The following ESRRG variants were observed in gnomAD, a reference collection of about 807,000 sequenced individuals.
ESRRG encodes the protein estrogen-related receptor gamma.
ESRRG carries 13 observed loss-of-function variants against 44.0 expected under a neutral mutation model. That is an observed-to-expected ratio of 0.30 (90% CI 0.19 to 0.47). ESRRG has a LOEUF of 0.47. Among genes scored for constraint, ESRRG ranks in the 20% least tolerant of loss-of-function variants. The pLI, the probability that ESRRG is intolerant of heterozygous loss-of-function variation, is 1.00. For synonymous variants in ESRRG, 215 were observed against 214.6 expected, an observed-to-expected ratio of 1.00 and a Z score of -0.02; for missense variants, 395 against 580.6, an observed-to-expected ratio of 0.68 and a Z score of 3.29.
At chr1:217,087,950 G>A (rs2092184854) in intron 1 of ESRRG, among the ~76,000 whole-genome samples, 2 of 151,720 alleles carry the variant, frequency 1.3e-5, no homozygotes, top group Admixed American at 1.3e-4. Flanking sequence ...CCTCAGCTCG[G>A]GATTTGAGAA....
At chr1:216,872,276 G>A (rs2096269476) in intron 2 of ESRRG, among the ~76,000 whole-genome samples, 1 of 151,928 alleles carries the variant, frequency 6.6e-6, no homozygotes. Context: ...TCTGAACATG[G>A]ATTTATTTGG....
chr1:216,616,044 T>G (rs6673566), intron 3 of ESRRG, among the ~76,000 whole-genome samples: 65,854 of 151,862 alleles, frequency 0.43, 15,626 homozygotes, highest in African/African-American at 0.64. Flanking sequence ...TGGGTGTCAG[T>G]CATTTGCTTT....
chr1:216,514,468 A>G (rs888141500), intron 6 of ESRRG, among the ~76,000 whole-genome samples: 5 of 152,170 alleles, frequency 3.3e-5, no homozygotes, highest in African/African-American at 9.7e-5. Flanking sequence ...TAAACATTTC[A>G]TGTTCAATTT....
chr1:216,867,094 G>A (rs2096178156), intron 2 of ESRRG, among the ~76,000 whole-genome samples: 1 of 152,142 alleles, frequency 6.6e-6, no homozygotes, highest in South Asian at 2.1e-4. Flanking sequence ...GTTTCAGTAT[G>A]TATGCAACGT....
At chr1:216,924,981 A>G (rs1430610785) in intron 2 of ESRRG, among the ~76,000 whole-genome samples, 3 of 152,070 alleles carry the variant, frequency 2.0e-5, no homozygotes, top group African/African-American at 7.2e-5. Flanking sequence ...TTTCTTCTGT[A>G]TCATCTGCTA....
intron 1 of ESRRG, among the ~76,000 whole-genome samples, chr1:217,041,236 T>C (rs2083805854): frequency 6.6e-6 from 1 of 152,146 alleles, no homozygotes; most frequent in South Asian, 2.1e-4. Flanking sequence ...AAAAAGATCA[T>C]AGCTGACACC....
At chr1:216,699,896 T>C (rs2081048959) in intron 1 of ESRRG, among the ~76,000 whole-genome samples, 1 of 152,244 alleles carries the variant, frequency 6.6e-6, no homozygotes. Context: ...GCCTCGCCTA[T>C]GGATTTCCTC....
At chr1:216,563,555 C>T (rs557370585) in intron 5 of ESRRG, among the ~76,000 whole-genome samples, 3 of 151,952 alleles carry the variant, frequency 2.0e-5, no homozygotes, top group Non-Finnish European at 4.4e-5. Flanking sequence ...CAACTCCAAA[C>T]AAATAAAAAA....
rs559715023 is a variant in ESRRG at position 216,708,176 on chromosome 1, T to C, written c.56+15068A>G. Among the ~76,000 whole-genome samples the C allele has an allele frequency of 1.1e-4, 17 of 151,352 alleles. No individual in the cohort carries two copies. The South Asian group carries it at 2.1e-3, about 19-fold the overall frequency. ...CTGGTAGGCAATATTACTTCTAAAATAAAATTAGTAGCAAAGTCTCAGAAA... is the reference window on the plus strand; with the variant it reads ...CTGGTAGGCAATATTACTTCTAAAACAAAATTAGTAGCAAAGTCTCAGAAA... On this transcript the variant is annotated intron_variant, in intron 1 of 6. Coordinates refer to ENST00000408911, the MANE Select transcript of ESRRG (RefSeq NM_001438.4).
chr1:216,921,230 G>A (rs2061796494), intron 2 of ESRRG, among the ~76,000 whole-genome samples: 2 of 152,150 alleles, frequency 1.3e-5, no homozygotes, highest in African/African-American at 4.8e-5. Flanking sequence ...GAGAGTAGTA[G>A]AAGCGTGGAG....
chr1:217,112,953 T>C (rs767595936), intron 1 of ESRRG, among the ~76,000 whole-genome samples: 2 of 152,154 alleles, frequency 1.3e-5, no homozygotes, highest in South Asian at 4.1e-4. Flanking sequence ...TCAAGACAGA[T>C]AAGGATGTAT....
chr1:216,549,147 C>A (rs1268128175), intron 5 of ESRRG, among the ~76,000 whole-genome samples: 4 of 151,888 alleles, frequency 2.6e-5, no homozygotes, highest in Non-Finnish European at 4.4e-5. Context: ...TGCTATTTAG[C>A]AACTTACACT....
intron 1 of ESRRG, among the ~76,000 whole-genome samples, chr1:216,705,380 A>T (rs1424842624): frequency 2.0e-5 from 3 of 152,182 alleles, no homozygotes; most frequent in African/African-American, 4.8e-5. Flanking sequence ...TGTGTAAATT[A>T]TTCACTAAAA....
chr1:216,779,766 G>T (rs1265669212), intron 2 of ESRRG, among the ~76,000 whole-genome samples: 1 of 150,480 alleles, frequency 6.6e-6, no homozygotes, highest in Non-Finnish European at 1.5e-5. Flanking sequence ...GGGAAGGTGT[G>T]ATTCATGTAG....
chr1:216,957,887 G>C (rs1344265574), intron 1 of ESRRG, among the ~76,000 whole-genome samples: 1 of 152,144 alleles, frequency 6.6e-6, no homozygotes, highest in East Asian at 1.9e-4. Flanking sequence ...TCTCCACCAA[G>C]TTACAGGACA....
intron 2 of ESRRG, among the ~76,000 whole-genome samples, chr1:216,673,173 G>T (rs1469941090): frequency 6.6e-6 from 1 of 152,084 alleles, no homozygotes; most frequent in Admixed American, 6.6e-5. Flanking sequence ...GAACTCTAAG[G>T]CAGCTTCAGC....
chr1:216,844,763 A>ATGTGTG (rs35416075), intron 2 of ESRRG, among the ~76,000 whole-genome samples: 127 of 150,662 alleles, frequency 8.4e-4, no homozygotes, highest in African/African-American at 3.0e-3. Context: ...GCATTCGTGC[A>ATGTGTG]TGTGTGTGTG....
intron 2 of ESRRG, among the ~76,000 whole-genome samples, chr1:216,810,148 T>C (rs893620600): frequency 1.3e-5 from 2 of 152,018 alleles, no homozygotes; most frequent in African/African-American, 4.8e-5. Context: ...CAGGGCCAAA[T>C]CACCACTTTC....
At chr1:217,014,264 A>G (rs1004645798) in intron 1 of ESRRG, among the ~76,000 whole-genome samples, 1 of 152,074 alleles carries the variant, frequency 6.6e-6, no homozygotes, top group Non-Finnish European at 1.5e-5. Context: ...ACAGGTTGCT[A>G]TGGGAACAGC....
Sources: allele counts gnomAD v4.1 joint callset (sites outside exome capture counted in the v4.1 genomes callset), GRCh38; gene constraint gnomAD v4.1.1; transcripts MANE v1.5; gene names NCBI Gene and HGNC (gene_info 2026-07-23, HGNC 2026-07-21).